DLGAP2: variants seen among roughly 807,000 people sequenced by gnomAD.
The protein encoded by DLGAP2 is disks large-associated protein 2.
A neutral mutation model predicts 100.3 loss-of-function variants in DLGAP2; 26 were observed. That is an observed-to-expected ratio of 0.26 (90% confidence interval 0.19 to 0.36). The LOEUF (loss-of-function observed/expected upper bound fraction) is 0.36, where lower values mean the gene tolerates loss of function less well. Among genes scored for constraint, DLGAP2 ranks in the 10% least tolerant of loss-of-function variants. The pLI, the probability that DLGAP2 is intolerant of heterozygous loss-of-function variation, is 1.00. For synonymous variants in DLGAP2, 886 were observed against 630.1 expected, an observed-to-expected ratio of 1.41 and a Z score of -6.08; for missense variants, 1,858 against 1,453.2, an observed-to-expected ratio of 1.28 and a Z score of -4.53.
At chr8:906,244 C>T (rs1043400225) in intron 1 of DLGAP2, among the ~76,000 whole-genome samples, 17 of 152,206 alleles carry the variant, frequency 1.1e-4, no homozygotes, top group African/African-American at 3.4e-4. Context: ...GTTAATGGGA[C>T]GTTGGCACAG....
chr8:1,636,750 C>T (rs1030540309), intron 8 of DLGAP2, among the ~76,000 whole-genome samples: 47 of 152,120 alleles, frequency 3.1e-4, no homozygotes, highest in African/African-American at 1.1e-3. Flanking sequence ...CTGGTACCGT[C>T]GAGTTACTGT....
At chr8:1,047,687 A>T (rs1364661543) in intron 2 of DLGAP2, among the ~76,000 whole-genome samples, 1 of 151,548 alleles carries the variant, frequency 6.6e-6, no homozygotes, top group Non-Finnish European at 1.5e-5. Context: ...ACTGTGTCCC[A>T]CAGAAGGCCA....
intron 2 of DLGAP2, among the ~76,000 whole-genome samples, chr8:1,158,550 C>A (rs542110330): frequency 1.3e-5 from 2 of 152,300 alleles, no homozygotes; most frequent in South Asian, 4.1e-4. Context: ...TAGTGTTTTC[C>A]TATATATAAA....
At chr8:1,350,250 G>C (rs1191027726) in intron 3 of DLGAP2, among the ~76,000 whole-genome samples, 1 of 111,754 alleles carries the variant, frequency 8.9e-6, no homozygotes, top group Admixed American at 9.1e-5. Context: ...AGGCCGTGCG[G>C]GTCCTGAGCA....
At chr8:1,335,074 T>C (rs1214611210) in intron 3 of DLGAP2, among the ~76,000 whole-genome samples, 4 of 152,216 alleles carry the variant, frequency 2.6e-5, no homozygotes, top group Admixed American at 2.6e-4. Context: ...ACCATAGTTC[T>C]AGGAACCATG....
chr8:1,163,202 G>C (rs1372238370), intron 2 of DLGAP2, among the ~76,000 whole-genome samples: 3 of 152,232 alleles, frequency 2.0e-5, no homozygotes, highest in African/African-American at 7.2e-5. Context: ...ACGTGTCTGT[G>C]CCAGTGAAAA....
intron 2 of DLGAP2, among the ~76,000 whole-genome samples, chr8:1,214,952 A>G (rs1057156822): frequency 1.3e-5 from 2 of 152,224 alleles, no homozygotes; most frequent in Non-Finnish European, 2.9e-5. Flanking sequence ...ACATGCGTTT[A>G]AAAATGCAGT....
intron 1 of DLGAP2, among the ~76,000 whole-genome samples, chr8:865,256 C>A (rs918222945): frequency 2.0e-5 from 3 of 152,298 alleles, no homozygotes; most frequent in Non-Finnish European, 2.9e-5. Context: ...GATCTTCTAG[C>A]TGTTTCTGTT....
intron 4 of DLGAP2, among the ~76,000 whole-genome samples, chr8:1,540,323 A>G (rs140081913): frequency 6.6e-6 from 1 of 152,174 alleles, no homozygotes; most frequent in African/African-American, 2.4e-5. Context: ...CCACCACCCA[A>G]CTGAAGGCTT....
At chr8:1,024,663 C>T (rs1801739177) in intron 2 of DLGAP2, among the ~76,000 whole-genome samples, 2 of 152,156 alleles carry the variant, frequency 1.3e-5, no homozygotes, top group African/African-American at 2.4e-5. Flanking sequence ...AAGGAGGCAA[C>T]AGAGGAGGAG....
In DLGAP2 at chr8:1,276,038, G is replaced by A. The variant is rs1200819871; in HGVS notation, c.106+17155G>A. The stretch of plus-strand genomic sequence containing the variant: ...TAGAATATATAAATAAATATATAAC[G>A]TATAAAAATATATAATATATAAAAA... On this transcript the variant is annotated intron_variant, in intron 3 of 14. Transcript: ENST00000637795. Among the ~76,000 whole-genome samples, 442 of 125,472 alleles carry A rather than the reference G, an allele frequency of 3.5e-3. 2 individuals are homozygous for A. Among genetic ancestry groups the A allele is most frequent in the African/African-American group, 0.013 (421 of 33,530 alleles). The allele number at this position is 125,472 out of a possible 152,430, so 82.3% of individuals were successfully genotyped here. A position where few individuals can be genotyped will look rare whatever the true frequency, so the allele number is the denominator to read the frequency against.
chr8:797,141 C>T (rs1183780454), intron 1 of DLGAP2, among the ~76,000 whole-genome samples: 1 of 152,114 alleles, frequency 6.6e-6, no homozygotes, highest in African/African-American at 2.4e-5. Flanking sequence ...GACAATTGAA[C>T]ACGACCCTGT....
chr8:1,066,047 G>A (rs1803234966), intron 2 of DLGAP2, among the ~76,000 whole-genome samples: 1 of 152,350 alleles, frequency 6.6e-6, no homozygotes, highest in African/African-American at 2.4e-5. Flanking sequence ...CCGCTCGCTG[G>A]CTTGTGGGGC....
chr8:1,192,227 G>T (rs1797655202), intron 2 of DLGAP2, among the ~76,000 whole-genome samples: 1 of 152,226 alleles, frequency 6.6e-6, no homozygotes, highest in South Asian at 2.1e-4. Context: ...GGGCCATGAA[G>T]CAGGTGCCAG....
intron 3 of DLGAP2, among the ~76,000 whole-genome samples, chr8:1,267,401 A>C (rs1799477817): frequency 6.6e-6 from 1 of 150,574 alleles, no homozygotes; most frequent in South Asian, 2.1e-4. Context: ...CCCCATCTCT[A>C]CTGAAAATAC....
intron 5 of DLGAP2, among the ~76,000 whole-genome samples, chr8:1,556,793 A>G (rs1351923843): frequency 6.6e-6 from 1 of 152,240 alleles, no homozygotes; most frequent in East Asian, 1.9e-4. Context: ...ACAACAAACA[A>G]ACAGGAAAGG....
chr8:1,102,638 G>A (rs1040773641), intron 2 of DLGAP2, among the ~76,000 whole-genome samples: 10 of 152,184 alleles, frequency 6.6e-5, no homozygotes, highest in Non-Finnish European at 1.5e-4. Flanking sequence ...TCCCCACTGG[G>A]CCTGTCATGT....
At chr8:1,516,672 T>G (rs1800402847) in intron 4 of DLGAP2, among the ~76,000 whole-genome samples, 1 of 151,796 alleles carries the variant, frequency 6.6e-6, no homozygotes. Flanking sequence ...AGTGGGTGAC[T>G]GAGTGAAAGA....
At chr8:1,057,268 A>G (rs1390082256) in intron 2 of DLGAP2, among the ~76,000 whole-genome samples, 1 of 152,252 alleles carries the variant, frequency 6.6e-6, no homozygotes, top group African/African-American at 2.4e-5. Context: ...GTTTTAGCAC[A>G]GGTAAATTTA....
Sources: allele counts gnomAD v4.1 joint callset (sites outside exome capture counted in the v4.1 genomes callset), GRCh38; gene constraint gnomAD v4.1.1; transcripts MANE v1.5; gene names NCBI Gene and HGNC (gene_info 2026-07-23, HGNC 2026-07-21).